Variants in MAP1S observed in about 807,000 individuals in gnomAD.
MAP1S encodes microtubule-associated protein 1S.
In MAP1S, 27 loss-of-function variants were observed where a neutral mutation model predicts 60.9. The ratio of observed to expected loss-of-function variants is 0.44; its 90% CI spans 0.33 to 0.61. The LOEUF (loss-of-function observed/expected upper bound fraction) is 0.61. Among genes scored for constraint, MAP1S ranks in the 20% least tolerant of loss-of-function variants. MAP1S has a pLI of 0.03. For missense variants in MAP1S, 1,608 were observed against 1,486.6 expected, an observed-to-expected ratio of 1.08 and a Z score of -1.34; for synonymous variants, 826 against 694.2, an observed-to-expected ratio of 1.19 and a Z score of -2.98.
intron 5 of MAP1S, among the ~76,000 whole-genome samples, chr19:17,730,683 G>A (rs765726750): frequency 6.6e-6 from 1 of 152,172 alleles, no homozygotes; most frequent in African/African-American, 2.4e-5. Context: ...AAATCATTCT[G>A]GACATTAATC....
chr19:17,720,803 C>T, intron 1 of MAP1S, 133 bp from the exon 2 acceptor site: 2 of 751,538 alleles, frequency 2.7e-6, no homozygotes, highest in Admixed American at 1.9e-5. Context: ...GTGTTGGGTA[C>T]TTCTGAGTCT....
Position 17,726,410 on chromosome 19 carries a change from C to G in MAP1S, c.1026C>G (p.Cys342Trp), listed in dbSNP as rs370137934. The G allele has an allele frequency of 2.9e-5, 45 of 1,576,188 alleles. No individual in the cohort carries two copies. The highest frequency in any genetic ancestry group is 2.5e-5 in the Non-Finnish European group (29 of 1,168,472). Reference protein sequence around the residue: ...PNLGVVFFNACEAASRLARGE... With the variant: ...PNLGVVFFNAWEAASRLARGE... ...TGGGGGTCGTGTTCTTCAACGCCTG[C>G]GAGGCCGCGTCGCGGCTGGCGCGCG... Residue 342 changes from cysteine (C) to tryptophan (W), a missense_variant, in exon 5 of 7, where the codon TGC becomes TGG. By Grantham distance (215) the Cys-to-Trp change is radical. Around this residue, in one of 4 missense-constraint regions of MAP1S, gnomAD observed 1,167 missense variants for 961.4 expected, o/e 1.21. Transcript: ENST00000324096.
chr19:17,720,068 G>C (rs1157089140), intron 1 of MAP1S: 2 of 1,097,132 alleles, frequency 1.8e-6, no homozygotes, highest in East Asian at 5.4e-5. Context: ...TGGAGCCCCG[G>C]GGCCCGCTTT....
At position 17,728,192 on chromosome 19, in the gene MAP1S, C is replaced by T. The variant is rs755827156; in HGVS notation, c.2788+20C>T. 2 of 1,546,620 alleles carry T rather than the reference C, an allele frequency of 1.3e-6. No individual in the cohort carries two copies. Among genetic ancestry groups the T allele is most frequent in the East Asian group, 2.3e-5 (1 of 43,982 alleles). On this transcript the variant is annotated intron_variant, in intron 5 of 6. Transcript: ENST00000324096. ...CGTCGGGTGAGTACTGGAGCTGGGGCCCTGGGCTGGGTTAGCAGCTGCTTA... is the reference window on the plus strand; with the variant it reads ...CGTCGGGTGAGTACTGGAGCTGGGGTCCTGGGCTGGGTTAGCAGCTGCTTA...
At chr19:17,721,340 A>G in intron 2 of MAP1S, 1 of 392,592 alleles carries the variant, frequency 2.5e-6, no homozygotes, top group South Asian at 2.1e-5. Flanking sequence ...TGGTGTGTCC[A>G]GTGGAAGGGA....
chr19:17,726,057 GAGCTGCT>G lies in MAP1S; in HGVS notation c.674_680del (p.Glu225GlyfsTer64). The stretch of plus-strand genomic sequence containing the variant: ...GTCTCTGGAGCCACCGTCCCCCTTC[GAGCTGCT>G]GGAGCCCCCGACCTCCGGGGGCTTC... On this transcript the variant is annotated frameshift_variant, in exon 5 of 7. Transcript: ENST00000324096. LOFTEE classifies it high-confidence loss of function. 6.2e-7 allele frequency: 1 copy of G among 1,613,502 alleles called. No homozygotes were observed.
intron 5 of MAP1S, among the ~76,000 whole-genome samples, chr19:17,732,171 TTTC>T (rs1371314558): frequency 1.3e-5 from 2 of 152,196 alleles, no homozygotes; most frequent in Admixed American, 6.5e-5. Flanking sequence ...CCCCAGGGCT[TTTC>T]TTTGTTGGGA....
At position 17,725,344 on chromosome 19, in the gene MAP1S, G is replaced by T. The variant is rs921889806; in HGVS notation, c.444+155G>T. Among the ~76,000 whole-genome samples, 2 of 152,162 alleles carry T rather than the reference G, an allele frequency of 1.3e-5. No individual in the cohort carries two copies. Among genetic ancestry groups the T allele is most frequent in the African/African-American group, 2.4e-5 (1 of 41,432 alleles). On this transcript the variant is annotated intron_variant, in intron 4 of 6. Coordinates refer to ENST00000324096, the MANE Select transcript of MAP1S (RefSeq NM_018174.6). The surrounding 1 kb of genome is among the most constrained non-coding windows in gnomAD (Gnocchi z 4.2). ...GGTGACACATGCCTCCTGGCTGTCT[G>T]GGGTCAGTCCCATTGCCCGCGAAAG...
chr19:17,729,128 G>A lies in MAP1S; in HGVS notation c.2788+956G>A, dbSNP rs553030843. On this transcript the variant is annotated intron_variant, in intron 5 of 6. Coordinates refer to ENST00000324096, the MANE Select transcript of MAP1S (RefSeq NM_018174.6). Reference sequence around the variant, plus strand: ...CTCATAGCAGAGCAAAATCAGCAAAGAGAAAAGGCACATAGGGTGAAGTCC... The same window carrying A: ...CTCATAGCAGAGCAAAATCAGCAAAAAGAAAAGGCACATAGGGTGAAGTCC... The A allele has an allele frequency of 2.6e-5, 4 of 152,356 alleles. No individual in the cohort carries two copies. In the East Asian group the frequency reaches 7.7e-4, roughly 29 times the overall value. 9.4% of individuals were successfully genotyped at this position (152,356 alleles called of 1,614,324 possible).
chr19:17,724,285 T>C, intron 3 of MAP1S, 77 bp downstream of exon 3: 2 of 1,188,662 alleles, frequency 1.7e-6, no homozygotes. Context: ...CTCGTGTCCT[T>C]GTCTTCATGC....
Position 17,724,128 on chromosome 19 carries a change from C to T in MAP1S, c.223C>T (p.Gln75Ter). ...GGGACGGCCTGATTCCCCCACAGGC[C>T]AGCGGAGCCTGCACCACCGTGGAGA... ...SATFSSIVKG[Q>*]RSLHHRGDNL... Residue 75 changes from glutamine to a stop codon, truncating the protein, a stop_gained and splice_region_variant, in exon 3 of 7, where the codon CAG (glutamine) becomes TAG (stop). Transcript: ENST00000324096. LOFTEE classifies it high-confidence loss of function. 9 of 1,613,598 alleles carry T rather than the reference C, an allele frequency of 5.6e-6. No individual in the cohort carries two copies. Among genetic ancestry groups the T allele is most frequent in the Non-Finnish European group, 7.6e-6 (9 of 1,179,776 alleles).
At chr19:17,728,558 CT>C (rs968904998) in intron 5 of MAP1S, among the ~76,000 whole-genome samples, 2,025 of 142,448 alleles carry the variant, frequency 0.014, 32 homozygotes, top group African/African-American at 0.042. Flanking sequence ...CAGTTCTGTT[CT>C]TTTTTTTTTT....
At chr19:17,720,174 C>T (rs941178260) in intron 1 of MAP1S, 21 of 1,339,472 alleles carry the variant, frequency 1.6e-5, no homozygotes, top group East Asian at 6.2e-5. Flanking sequence ...GGCGCACCTG[C>T]CAGGTTCACC....
At position 17,727,166 on chromosome 19, in the gene MAP1S, C is replaced by G. The variant is rs536023599; in HGVS notation, c.1782C>G (p.Pro594=). The change falls in exon 5 of 7, where the codon CCC becomes CCG. Residue 594 remains proline, a synonymous_variant. Coordinates refer to ENST00000324096, the MANE Select transcript of MAP1S (RefSeq NM_018174.6). The surrounding 1 kb of genome is among the most constrained non-coding windows in gnomAD (Gnocchi z 4.1). ...PSLRCGEASP[P]SAACGSPASQ... ...TCCGATGTGGAGAAGCCAGCCCCCC[C>G]AGTGCAGCCTGCGGCTCTCCGGCCT... 14 of 1,587,360 alleles carry G rather than the reference C, an allele frequency of 8.8e-6. No homozygotes were observed. In the Admixed American group the frequency reaches 1.0e-4, roughly 12 times the overall value.
chr19:17,725,885 C>T lies in MAP1S; in HGVS notation c.501C>T (p.Ile167=). Residue 167 remains isoleucine, a synonymous_variant, in exon 5 of 7, where the codon ATC becomes ATT. Coordinates refer to ENST00000324096, the MANE Select transcript of MAP1S (RefSeq NM_018174.6). This position sits in a 1 kb window ranked among gnomAD's most constrained non-coding sequence, Gnocchi z 4.2. ...CTGTGCAGCCGCCCATACTCACCAT[C>T]ACCTGCCCCACCTTCGGTGACTGGG... ...PPPVQPPILT[I]TCPTFGDWAQ... is the part of the protein sequence containing the mutation. 2 of 1,613,752 alleles carry T rather than the reference C, an allele frequency of 1.2e-6. No homozygotes were observed. The highest frequency in any genetic ancestry group is 4.5e-5 in the East Asian group (2 of 44,874).
At chr19:17,728,280 TCA>T in intron 5 of MAP1S, 108 bp downstream of exon 5, 10 of 1,221,988 alleles carry the variant, frequency 8.2e-6, no homozygotes, top group Non-Finnish European at 1.1e-5. Context: ...AGAGATGGTC[TCA>T]CTCTGTCTCT....
At position 17,722,619 on chromosome 19, in the gene MAP1S, A is replaced by G. The variant is rs541303786; in HGVS notation, c.221-1507A>G. ...CAAAAATTAGCTGGTTGTGGTGGCA[A>G]GCGCCTATAACCCCAGCTACTTGGG... On this transcript the variant is annotated intron_variant, in intron 2 of 6. Transcript: ENST00000324096. 1.9e-3 allele frequency among the ~76,000 whole-genome samples: 286 copies of G among 151,876 alleles called. 1 individual carries two copies. Among genetic ancestry groups the G allele is most frequent in the Admixed American group, 5.2e-3 (79 of 15,256 alleles).
intron 5 of MAP1S, among the ~76,000 whole-genome samples, chr19:17,730,889 C>CTTTTT (rs1568296101): frequency 6.9e-6 from 1 of 145,912 alleles, no homozygotes. Context: ...TTTCTTTTTT[C>CTTTTT]TTTTTCTTTT....
Position 17,725,856 on chromosome 19 carries a change from C to G in MAP1S, c.472C>G (p.Pro158Ala), listed in dbSNP as rs1287956134. ...EIRDILATTP[P>A]PVQPPILTIT... ...CCGGGACATCCTGGCCACCACGCCCCCACCTGTGCAGCCGCCCATACTCAC... is the reference window on the plus strand; with the variant it reads ...CCGGGACATCCTGGCCACCACGCCCGCACCTGTGCAGCCGCCCATACTCAC... The change falls in exon 5 of 7, where the codon CCA becomes GCA. Residue 158 changes from proline to alanine, a missense_variant. Pro to Ala is a conservative substitution (Grantham distance 27, BLOSUM62 -1). Around this residue, in one of 4 missense-constraint regions of MAP1S, gnomAD observed 320 missense variants for 393.1 expected, o/e 0.81. Transcript: ENST00000324096. This position sits in a 1 kb window ranked among gnomAD's most constrained non-coding sequence, Gnocchi z 4.2. The G allele has an allele frequency of 1.2e-5, 19 of 1,613,090 alleles. No homozygotes were observed. Among genetic ancestry groups the G allele is most frequent in the Non-Finnish European group, 1.6e-5 (19 of 1,179,920 alleles).
Sources: gnomAD v4.1 joint callset for allele counts (sites outside exome capture counted in the v4.1 genomes callset) on GRCh38, gnomAD v4.1.1 for gene constraint, gnomAD v4.1.1 regional missense constraint, Gnocchi (gnomAD v3.1) non-coding constraint, MANE v1.5 for transcripts, NCBI Gene and HGNC (gene_info 2026-07-23, HGNC 2026-07-21) for gene names.